Variants in GGA3 observed in about 807,000 individuals in gnomAD.
The protein encoded by GGA3 is golgi associated, gamma adaptin ear containing, ARF binding protein 3, also known as ADP-ribosylation factor-binding protein GGA3.
In GGA3, 57 loss-of-function variants were observed where a neutral mutation model predicts 77.5. That is an observed-to-expected ratio of 0.74 (90% confidence interval 0.59 to 0.92). The LOEUF (loss-of-function observed/expected upper bound fraction) is 0.92, where lower values mean the gene tolerates loss of function less well. Ranked by LOEUF, GGA3 falls within the 40% of genes least tolerant of loss-of-function variation. The pLI, the probability that GGA3 is intolerant of heterozygous loss-of-function variation, is 0.00. For synonymous variants in GGA3, 416 were observed against 383.7 expected, an observed-to-expected ratio of 1.08 and a Z score of -0.98; for missense variants, 970 against 914.9, an observed-to-expected ratio of 1.06 and a Z score of -0.78.
chr17:75,250,261 C>T (rs891357744), intron 1 of GGA3, among the ~76,000 whole-genome samples: 1 of 152,246 alleles, frequency 6.6e-6, no homozygotes, highest in South Asian at 2.1e-4. Context: ...CCCCTCCGGG[C>T]TCTGCTCTGA....
rs1229542935 is a variant in GGA3 at position 75,243,522 on chromosome 17, G to T, written c.349C>A (p.Leu117Met). 6.2e-7 allele frequency: 1 copy of T among 1,613,968 alleles called. No individual in the cohort carries two copies. The highest frequency in any genetic ancestry group is 8.5e-7 in the Non-Finnish European group (1 of 1,179,934). The change falls in exon 5 of 17, where the codon CTG (leucine) becomes ATG (methionine). Residue 117 changes from leucine to methionine, a missense_variant. Physicochemically the swap from Leu to Met is conservative, Grantham distance 15 (BLOSUM62 2). Coordinates refer to ENST00000537686, the MANE Select transcript of GGA3 (RefSeq NM_138619.4). ...AGGGCCATGGTCCAGCTGTACAGCAGCTCAATAACCTTGGTCTTCACTTTC... is the reference window on the plus strand; with the variant it reads ...AGGGCCATGGTCCAGCTGTACAGCATCTCAATAACCTTGGTCTTCACTTTC... ...SEKVKTKVIE[L>M]LYSWTMALPE...
At chr17:75,259,825 C>T (rs1454142314) in intron 1 of GGA3, among the ~76,000 whole-genome samples, 3 of 151,518 alleles carry the variant, frequency 2.0e-5, no homozygotes, top group East Asian at 1.9e-4. Context: ...CATGTGACTC[C>T]CCCCCACCAA....
At chr17:75,259,652 C>T (rs550014894) in intron 1 of GGA3, among the ~76,000 whole-genome samples, 2 of 152,102 alleles carry the variant, frequency 1.3e-5, no homozygotes, top group Non-Finnish European at 2.9e-5. Context: ...ACGGGAGAGA[C>T]CTGGGTCTCT....
intron 3 of GGA3, 57 bp from the exon 4 acceptor site, chr17:75,244,774 G>T: frequency 9.1e-7 from 1 of 1,099,012 alleles, no homozygotes; most frequent in Non-Finnish European, 1.4e-6. Context: ...CTGGAACCTG[G>T]CACTGGCAAG....
At chr17:75,255,791 T>G (rs1367317208) in intron 1 of GGA3, among the ~76,000 whole-genome samples, 1 of 152,224 alleles carries the variant, frequency 6.6e-6, no homozygotes, top group African/African-American at 2.4e-5. Context: ...AATACCTCCC[T>G]CCACAATCCA....
intron 14 of GGA3, 79 bp from the exon 15 acceptor site, chr17:75,239,162 C>G: frequency 5.9e-6 from 8 of 1,354,840 alleles, no homozygotes; most frequent in Non-Finnish European, 7.1e-6. Flanking sequence ...GAGAAAAGGG[C>G]TACTCCGTGG....
At chr17:75,250,922 A>G (rs2076943653) in intron 1 of GGA3, among the ~76,000 whole-genome samples, 1 of 151,694 alleles carries the variant, frequency 6.6e-6, no homozygotes. Context: ...TCTCTACTAA[A>G]AACACAAAAT....
At position 75,239,589 on chromosome 17, in the gene GGA3, T is replaced by G; in HGVS notation, c.1584-18A>C. On this transcript the variant is annotated intron_variant, in intron 13 of 16. Coordinates refer to ENST00000537686, the MANE Select transcript of GGA3 (RefSeq NM_138619.4). ...CCGAGGTCCTGGGAGGTGGGAAGGATGGAAAGCACGTCAGAGAGCCAGCCA... is the reference window on the plus strand; with the variant it reads ...CCGAGGTCCTGGGAGGTGGGAAGGAGGGAAAGCACGTCAGAGAGCCAGCCA... 1 of 1,547,620 alleles carries G rather than the reference T, an allele frequency of 6.5e-7. No individual in the cohort carries two copies. Among genetic ancestry groups the G allele is most frequent in the Non-Finnish European group, 8.8e-7 (1 of 1,142,630 alleles).
chr17:75,255,406 C>G (rs1157788221), intron 1 of GGA3, among the ~76,000 whole-genome samples: 1 of 152,062 alleles, frequency 6.6e-6, no homozygotes, highest in African/African-American at 2.4e-5. Flanking sequence ...CATTGCTGCC[C>G]TTTCCAATCC....
intron 8 of GGA3, 134 bp from the exon 9 acceptor site, chr17:75,241,830 C>CA: frequency 1.3e-6 from 1 of 759,324 alleles, no homozygotes; most frequent in Non-Finnish European, 2.3e-6. Flanking sequence ...GCTGGGATCA[C>CA]AGCGCACGTC....
chr17:75,245,833 T>C (rs1340230444), intron 3 of GGA3, among the ~76,000 whole-genome samples: 1 of 152,226 alleles, frequency 6.6e-6, no homozygotes, highest in South Asian at 2.1e-4. Context: ...AGAATCACTG[T>C]TTTAAGGAAT....
intron 1 of GGA3, among the ~76,000 whole-genome samples, chr17:75,260,461 C>G (rs888090470): frequency 6.6e-6 from 1 of 152,234 alleles, no homozygotes; most frequent in African/African-American, 2.4e-5. Flanking sequence ...CTGCCTGCAA[C>G]TGCAGATTTT....
At chr17:75,256,825 A>C (rs1341317724) in intron 1 of GGA3, among the ~76,000 whole-genome samples, 1 of 152,116 alleles carries the variant, frequency 6.6e-6, no homozygotes, top group Non-Finnish European at 1.5e-5. Context: ...CAGATAACTA[A>C]AATACCTCTT....
Position 75,240,945 on chromosome 17 carries a change from G to A in GGA3, c.1059C>T (p.Ile353=), listed in dbSNP as rs751130821. The part of the protein sequence containing the change: ...APAPTPPSSG[I]PILPPPPQAS... ...CCTGGGGTGGTGGAGGGAGGATTGG[G>A]ATGCCTGAGGAGGGTGGAGTAGGTG... is the stretch of plus-strand genomic sequence containing the variant. The change falls in exon 11 of 17, where the codon ATC becomes ATT. Residue 353 remains isoleucine (I), a synonymous_variant. Transcript: ENST00000537686. 1.9e-6 allele frequency: 3 copies of A among 1,613,726 alleles called. No individual in the cohort carries two copies. The highest frequency in any genetic ancestry group is 1.7e-6 in the Non-Finnish European group (2 of 1,179,910).
intron 5 of GGA3, 88 bp downstream of exon 5, chr17:75,243,345 TCTCTTCAGGAGGGA>T: frequency 6.9e-7 from 1 of 1,451,630 alleles, no homozygotes; most frequent in Non-Finnish European, 9.5e-7. Flanking sequence ...CAAATGCTGT[TCTCTTCAGGAGGGA>T]CTCTGGGGAT....
At chr17:75,256,316 T>G (rs2077149955) in intron 1 of GGA3, among the ~76,000 whole-genome samples, 1 of 152,114 alleles carries the variant, frequency 6.6e-6, no homozygotes, top group South Asian at 2.1e-4. Context: ...TATTATTTTC[T>G]TCCTCATACC....
chr17:75,240,371 C>T lies in GGA3; in HGVS notation c.1234G>A (p.Ala412Thr), dbSNP rs201782332. The change falls in exon 12 of 17, where the codon GCT becomes ACT. Residue 412 changes from alanine to threonine, a missense_variant. By Grantham distance (58) the Ala-to-Thr change is moderately conservative. Transcript: ENST00000537686. Reference sequence around the variant, plus strand: ...AGCAGGTGCCACTGGCTGTTCCCAGCTGACTCTTTGGGAGGAACATTAGGG... The same window carrying T: ...AGCAGGTGCCACTGGCTGTTCCCAGTTGACTCTTTGGGAGGAACATTAGGG... ...PAPNVPPKES[A>T]GNSQWHLLQR... The T allele has an allele frequency of 1.6e-4, 262 of 1,600,586 alleles. 1 individual carries two copies. In the Admixed American group the frequency reaches 4.5e-3, roughly 27 times the overall value.
chr17:75,238,485 CT>C (rs765347202), intron 16 of GGA3, 96 bp from the exon 17 acceptor site: 5 of 1,132,496 alleles, frequency 4.4e-6, no homozygotes, highest in African/African-American at 3.1e-5. Context: ...GGAATGGTCC[CT>C]TTTCCCCGCA....
rs372441947 is a variant in GGA3 at position 75,240,291 on chromosome 17, A to G, written c.1263+51T>C. On this transcript the variant is annotated intron_variant, in intron 12 of 16. Transcript: ENST00000537686. ...TGCAGCCCAGGAGACATGACGCTGGAAAGTGGAGGTCCTTGGCACAGTAGT... is the reference window on the plus strand; with the variant it reads ...TGCAGCCCAGGAGACATGACGCTGGGAAGTGGAGGTCCTTGGCACAGTAGT... 1.7e-5 allele frequency: 22 copies of G among 1,324,680 alleles called. No individual in the cohort carries two copies. The Admixed American group carries it at 3.6e-4, about 22-fold the overall frequency. The allele number at this position is 1,324,680 out of a possible 1,614,324, so 82.1% of individuals were successfully genotyped here.
Sources: allele counts gnomAD v4.1 joint callset (sites outside exome capture counted in the v4.1 genomes callset), GRCh38; gene constraint gnomAD v4.1.1; transcripts MANE v1.5; gene names NCBI Gene and HGNC (gene_info 2026-07-23, HGNC 2026-07-21).